EXOSC9: variants seen among roughly 807,000 people sequenced by gnomAD.
EXOSC9 encodes the protein exosome component 9.
EXOSC9 carries 38 observed loss-of-function variants against 56.5 expected under a neutral mutation model. That is an observed-to-expected ratio of 0.67 (90% CI 0.52 to 0.88). The LOEUF is 0.88. Ranked by LOEUF, EXOSC9 falls within the 40% of genes least tolerant of loss-of-function variation. EXOSC9 has a pLI of 0.00. For synonymous variants in EXOSC9, 170 were observed against 170.8 expected (o/e 0.99, Z 0.04); for missense variants, 559 against 530.5 (o/e 1.05, Z -0.53).
intron 1 of EXOSC9, 151 bp downstream of exon 1, chr4:121,801,641 A>G: frequency 4.8e-6 from 4 of 830,014 alleles, no homozygotes; most frequent in Non-Finnish European, 7.9e-6. Context: ...TTTTTTTTCG[A>G]CAGGTTCTTT....
rs753292272 is a variant in EXOSC9 at position 121,801,398 on chromosome 4, T to C, written c.-27T>C. 1.2e-6 allele frequency: 2 copies of C among 1,609,504 alleles called. No individual in the cohort carries two copies. The highest frequency in any genetic ancestry group is 1.7e-6 in the Non-Finnish European group (2 of 1,175,798). ...GTTCCGTTTTTCCCGCGGATTCTGG[T>C]GCCTGTGGGGCCGGTGACCCAACAC... On this transcript the variant is annotated 5_prime_UTR_variant, in exon 1 of 12. Coordinates refer to ENST00000243498, the MANE Select transcript of EXOSC9 (RefSeq NM_005033.3).
intron 7 of EXOSC9, 93 bp downstream of exon 7, chr4:121,810,192 C>A: frequency 9.2e-7 from 1 of 1,085,940 alleles, no homozygotes; most frequent in African/African-American, 1.6e-5. Flanking sequence ...GGGGATACTT[C>A]CAGTGATTTA....
At position 121,811,641 on chromosome 4, in the gene EXOSC9, T is replaced by C; in HGVS notation, c.797T>C (p.Leu266Ser). 1 of 1,588,086 alleles carries C rather than the reference T, an allele frequency of 6.3e-7. No homozygotes were observed. ...GTAGCAGAAATTACAGAGCTAATAT[T>C]GAAAGCTTTGGAGAATGACCAAAAA... ...VKVAEITELI[L>S]KALENDQKVR... The change falls in exon 8 of 12, where the codon TTG (leucine) becomes TCG (serine). Residue 266 changes from leucine to serine, a missense_variant. Leu to Ser is a moderately radical substitution (Grantham distance 145). Transcript: ENST00000243498.
intron 5 of EXOSC9, among the ~76,000 whole-genome samples, 160 bp downstream of exon 5, chr4:121,804,919 C>G (rs1350060677): frequency 6.6e-5 from 10 of 152,142 alleles, no homozygotes; most frequent in African/African-American, 2.4e-4. Flanking sequence ...CAAAATTGCC[C>G]TGGAAATCTC....
At chr4:121,808,349 T>C (rs978439676) in intron 6 of EXOSC9, among the ~76,000 whole-genome samples, 1 of 152,152 alleles carries the variant, frequency 6.6e-6, no homozygotes, top group African/African-American at 2.4e-5. Flanking sequence ...GAACCATATA[T>C]ATAATTTTCT....
In EXOSC9 at chr4:121,811,611, T is replaced by C; in HGVS notation, c.767T>C (p.Val256Ala). 1 of 1,591,818 alleles carries C rather than the reference T, an allele frequency of 6.3e-7. No individual in the cohort carries two copies. The highest frequency in any genetic ancestry group is 8.6e-7 in the Non-Finnish European group (1 of 1,169,346). The change falls in exon 8 of 12, where the codon GTG (valine) becomes GCG (alanine). Residue 256 changes from valine to alanine, a missense_variant. Physicochemically the swap from Val to Ala is moderately conservative, Grantham distance 64 (BLOSUM62 0). Transcript: ENST00000243498. ...QVLRCSKIAG[V>A]KVAEITELIL... is the part of the protein sequence containing the mutation. ...CTGAGATGCAGTAAAATCGCTGGTG[T>C]GAAAGTAGCAGAAATTACAGAGCTA...
At chr4:121,808,719 C>T in intron 6 of EXOSC9, among the ~76,000 whole-genome samples, 1 of 151,166 alleles carries the variant, frequency 6.6e-6, no homozygotes, top group East Asian at 1.9e-4. Flanking sequence ...CCTCTGTCAC[C>T]CAGGCTTGAG....
intron 4 of EXOSC9, among the ~76,000 whole-genome samples, chr4:121,803,803 G>T (rs1008258420): frequency 6.6e-5 from 10 of 152,062 alleles, no homozygotes; most frequent in Non-Finnish European, 8.8e-5. Context: ...CAAAGTGCTG[G>T]GATTACAGGC....
chr4:121,816,699 A>G lies in EXOSC9; in HGVS notation c.1236-73A>G, dbSNP rs112004858. 2.1e-5 allele frequency: 30 copies of G among 1,437,434 alleles called. No individual in the cohort carries two copies. In the African/African-American group the frequency reaches 3.9e-4, roughly 19 times the overall value. 89.0% of individuals were successfully genotyped at this position (1,437,434 alleles called of 1,614,324 possible). A position where few individuals can be genotyped will look rare whatever the true frequency, so the allele number is the denominator to read the frequency against. On this transcript the variant is annotated intron_variant, in intron 11 of 11. Coordinates refer to ENST00000243498, the MANE Select transcript of EXOSC9 (RefSeq NM_005033.3). The stretch of plus-strand genomic sequence containing the variant: ...CATTTTAGATCCTACTGGAAAACTA[A>G]GAAATGCCTCTTATTTCAATAATCC...
intron 9 of EXOSC9, among the ~76,000 whole-genome samples, 155 bp downstream of exon 9, chr4:121,813,535 C>A (rs964835880): frequency 1.3e-5 from 2 of 152,152 alleles, no homozygotes; most frequent in African/African-American, 4.8e-5. Context: ...AGATGTGAGT[C>A]ATATTCTGTT....
chr4:121,807,931 A>G (rs1367135407), intron 6 of EXOSC9: 1 of 321,674 alleles, frequency 3.1e-6, no homozygotes, highest in African/African-American at 2.1e-5. Context: ...TAAGAGAATT[A>G]TATGCTAGGC....
At chr4:121,812,935 G>A (rs902469039) in intron 8 of EXOSC9, among the ~76,000 whole-genome samples, 2 of 152,110 alleles carry the variant, frequency 1.3e-5, no homozygotes, top group African/African-American at 4.8e-5. Flanking sequence ...GCATTTCAGT[G>A]TCCTCTTCTA....
rs1299286422 is a variant in EXOSC9 at position 121,813,880 on chromosome 4, T to G, written c.989T>G (p.Val330Gly). The G allele has an allele frequency of 6.2e-7, 1 of 1,611,770 alleles. No individual in the cohort carries two copies. The highest frequency in any genetic ancestry group is 1.7e-5 in the Admixed American group (1 of 59,948). ...AACTTGTTAAGTGTTTCTACACCTGTGCTATGGACTCCTGGAACTGCCCAA... is the reference window on the plus strand; with the variant it reads ...AACTTGTTAAGTGTTTCTACACCTGGGCTATGGACTCCTGGAACTGCCCAA... Reference protein sequence around the residue: ...EPPSEVVSTPVLWTPGTAQIG... With the variant: ...EPPSEVVSTPGLWTPGTAQIG... The change falls in exon 10 of 12, where the codon GTG becomes GGG. Residue 330 changes from valine to glycine, a missense_variant. Val to Gly is a moderately radical substitution (Grantham distance 109). Transcript: ENST00000243498.
At chr4:121,804,879 T>G (rs1356469060) in intron 5 of EXOSC9, 120 bp downstream of exon 5, 2 of 789,888 alleles carry the variant, frequency 2.5e-6, no homozygotes, top group Non-Finnish European at 3.7e-6. Context: ...TTTCTAAAAA[T>G]TTGTTTGTAA....
At chr4:121,813,739 GT>G (rs1178176129) in intron 9 of EXOSC9, 126 bp from the exon 10 acceptor site, 16 of 672,774 alleles carry the variant, frequency 2.4e-5, no homozygotes, top group Non-Finnish European at 3.2e-5. Context: ...GCTATATTAA[GT>G]TTTTTTTCCC....
chr4:121,815,859 C>T (rs1724477785), intron 10 of EXOSC9: 1 of 1,113,414 alleles, frequency 9.0e-7, no homozygotes, highest in African/African-American at 1.6e-5. Flanking sequence ...CAAATTGTCA[C>T]ACCATTCAAG....
At chr4:121,806,734 AAG>A in intron 5 of EXOSC9, among the ~76,000 whole-genome samples, 1 of 152,338 alleles carries the variant, frequency 6.6e-6, no homozygotes, top group African/African-American at 2.4e-5. Context: ...GCTAAGTTGA[AAG>A]AAGCCAGGCA....
At chr4:121,801,617 T>C in intron 1 of EXOSC9, 127 bp downstream of exon 1, 1 of 907,442 alleles carries the variant, frequency 1.1e-6, no homozygotes, top group South Asian at 1.4e-5. Context: ...ACCCCATCCC[T>C]CAGGCTTTAT....
chr4:121,816,454 A>C lies in EXOSC9; in HGVS notation c.1235+7A>C. The C allele has an allele frequency of 1.9e-6, 3 of 1,538,596 alleles. No individual in the cohort carries two copies. Among genetic ancestry groups the C allele is most frequent in the Non-Finnish European group, 2.6e-6 (3 of 1,135,138 alleles). On this transcript the variant is annotated splice_region_variant and intron_variant, in intron 11 of 11. Transcript: ENST00000243498. ...AGAATCCAAAGAAAATAAGGTAACA[A>C]ATTTCTGGTTTATTTCAAATGTATA... is the stretch of plus-strand genomic sequence containing the variant.
Sources: allele counts gnomAD v4.1 joint callset (sites outside exome capture counted in the v4.1 genomes callset), GRCh38; gene constraint gnomAD v4.1.1; transcripts MANE v1.5; gene names NCBI Gene and HGNC (gene_info 2026-07-23, HGNC 2026-07-21).